The following NAE1 variants were observed in gnomAD, a reference collection of about 807,000 sequenced individuals.
NAE1 encodes the protein NEDD8-activating enzyme E1 regulatory subunit.
Under a neutral mutation model 88.0 loss-of-function variants are expected in NAE1, and 59 were observed. The observed-to-expected ratio is 0.67, with a 90% CI of 0.54 to 0.83. The LOEUF is 0.83. Among genes scored for constraint, NAE1 ranks in the 40% least tolerant of loss-of-function variants. The pLI is 0.00. For missense variants in NAE1, 554 were observed against 632.8 expected (o/e 0.88, Z 1.34); for synonymous variants, 186 against 208.9 (o/e 0.89, Z 0.95).
intron 19 of NAE1, among the ~76,000 whole-genome samples, chr16:66,804,291 T>C (rs1276312985): frequency 6.6e-6 from 1 of 151,908 alleles, no homozygotes; most frequent in Non-Finnish European, 1.5e-5. Flanking sequence ...TTTTCTGCTA[T>C]AGTTAAGTCA....
At chr16:66,821,031 T>G (rs1007688356) in intron 7 of NAE1, among the ~76,000 whole-genome samples, 2 of 152,106 alleles carry the variant, frequency 1.3e-5, no homozygotes, top group African/African-American at 2.4e-5. Context: ...ATTGTGCCAT[T>G]GTACTCCAGC....
intron 11 of NAE1, among the ~76,000 whole-genome samples, chr16:66,814,277 A>G (rs1959943048): frequency 6.6e-6 from 1 of 152,188 alleles, no homozygotes; most frequent in South Asian, 2.1e-4. Flanking sequence ...TTTTATTGCT[A>G]GCAAGATCTT....
chr16:66,808,441 T>C, intron 17 of NAE1, 80 bp downstream of exon 17: 1 of 1,002,954 alleles, frequency 1.0e-6, no homozygotes, highest in Non-Finnish European at 1.5e-6. Context: ...AACACTATTA[T>C]AAATACCCTG....
intron 7 of NAE1, 108 bp downstream of exon 7, chr16:66,821,342 G>T: frequency 7.5e-7 from 1 of 1,326,052 alleles, no homozygotes. Flanking sequence ...CTAGAGATGT[G>T]CTGCTACAAA....
At chr16:66,820,900 CAA>C (rs35671399) in intron 7 of NAE1, among the ~76,000 whole-genome samples, 10 of 73,256 alleles carry the variant, frequency 1.4e-4, no homozygotes, top group Non-Finnish European at 1.5e-4. Flanking sequence ...GACTCCGTCT[CAA>C]AAAAAAAAAA....
chr16:66,823,200 TAAA>T, intron 6 of NAE1, 24 bp downstream of exon 6: 1 of 1,390,192 alleles, frequency 7.2e-7, no homozygotes, highest in Non-Finnish European at 9.9e-7. Flanking sequence ...AAGATTAAAA[TAAA>T]AACATATTAA....
At chr16:66,811,318 C>T (rs1209648474) in intron 13 of NAE1, among the ~76,000 whole-genome samples, 1 of 152,066 alleles carries the variant, frequency 6.6e-6, no homozygotes, top group African/African-American at 2.4e-5. Flanking sequence ...CTACCATGCC[C>T]GACTAATTTT....
chr16:66,811,110 T>C, intron 13 of NAE1, among the ~76,000 whole-genome samples: 1 of 152,150 alleles, frequency 6.6e-6, no homozygotes, highest in East Asian at 1.9e-4. Context: ...CTCCTGGAAG[T>C]CAAGTCCAAG....
In NAE1 at chr16:66,822,674, A is replaced by ATT. The variant is rs1347628564; in HGVS notation, c.401+551_401+552dup. ...CTTTTATTTATTTATTTATTTATTT[A>ATT]TTTTTTTTTTTTGAGACAGAGTCTA... is the stretch of plus-strand genomic sequence containing the variant. On this transcript the variant is annotated intron_variant, in intron 6 of 19. Coordinates refer to ENST00000290810, the MANE Select transcript of NAE1 (RefSeq NM_003905.4). 2.1e-3 allele frequency among the ~76,000 whole-genome samples: 285 copies of ATT among 137,600 alleles called. 2 individuals are homozygous for ATT. The highest frequency in any genetic ancestry group is 7.3e-3 in the African/African-American group (277 of 37,838). The allele number at this position is 137,600 out of a possible 152,430, so 90.3% of individuals were successfully genotyped here.
chr16:66,830,400 G>T (rs934800254), intron 1 of NAE1, among the ~76,000 whole-genome samples: 18 of 152,228 alleles, frequency 1.2e-4, no homozygotes, highest in African/African-American at 4.3e-4. Context: ...TTTACCTTTA[G>T]TGTGGTTACT....
chr16:66,827,239 GCCACCGTGC>G (rs1960494778), intron 1 of NAE1, among the ~76,000 whole-genome samples: 1 of 150,954 alleles, frequency 6.6e-6, no homozygotes, highest in Non-Finnish European at 1.5e-5. Flanking sequence ...ACAGGTGTGA[GCCACCGTGC>G]CCAGCCCTAT....
intron 1 of NAE1, among the ~76,000 whole-genome samples, chr16:66,830,227 T>C (rs1960639063): frequency 6.6e-6 from 1 of 152,018 alleles, no homozygotes; most frequent in Non-Finnish European, 1.5e-5. Flanking sequence ...ATGACCAGCT[T>C]GGGGAAAGGT....
intron 13 of NAE1, among the ~76,000 whole-genome samples, chr16:66,812,751 C>T (rs1959860174): frequency 6.6e-6 from 1 of 151,590 alleles, no homozygotes; most frequent in Non-Finnish European, 1.5e-5. Context: ...GATCTTCTGA[C>T]CTTGTGATCC....
intron 7 of NAE1, 124 bp downstream of exon 7, chr16:66,821,326 C>A: frequency 1.6e-6 from 2 of 1,238,970 alleles, no homozygotes; most frequent in Non-Finnish European, 2.1e-6. Flanking sequence ...CACTTTGAAT[C>A]TGCAACTAGA....
chr16:66,816,209 A>G (rs570034391), intron 11 of NAE1, among the ~76,000 whole-genome samples: 1 of 152,296 alleles, frequency 6.6e-6, no homozygotes, highest in Admixed American at 6.5e-5. Flanking sequence ...TCTGTTGCCC[A>G]GGCTGGAGTG....
intron 1 of NAE1, chr16:66,827,965 C>A (rs780420370): frequency 6.2e-7 from 1 of 1,605,154 alleles, no homozygotes. Flanking sequence ...GGACTACAGG[C>A]ACAAGCCACT....
At chr16:66,817,133 T>C in intron 9 of NAE1, 105 bp from the exon 10 acceptor site, 2 of 1,388,784 alleles carry the variant, frequency 1.4e-6, no homozygotes, top group South Asian at 3.0e-5. Context: ...CATCAACAAA[T>C]ATATTTCTCT....
intron 7 of NAE1, among the ~76,000 whole-genome samples, chr16:66,820,680 T>C (rs1960214437): frequency 6.6e-6 from 1 of 151,990 alleles, no homozygotes; most frequent in South Asian, 2.1e-4. Context: ...GGCGGGCAGA[T>C]CACGAGGTCA....
intron 8 of NAE1, among the ~76,000 whole-genome samples, 187 bp downstream of exon 8, chr16:66,818,341 A>C (rs919673477): frequency 1.3e-5 from 2 of 152,192 alleles, no homozygotes; most frequent in African/African-American, 4.8e-5. Flanking sequence ...TCTTCAGTAA[A>C]AAAGTTTTTT....
Sources: allele counts gnomAD v4.1 joint callset (sites outside exome capture counted in the v4.1 genomes callset), GRCh38; gene constraint gnomAD v4.1.1; transcripts MANE v1.5; gene names NCBI Gene and HGNC (gene_info 2026-07-23, HGNC 2026-07-21).